GARIN1A: variants seen among roughly 807,000 people sequenced by gnomAD.
The protein encoded by GARIN1A is golgi associated RAB2 interactor 1A, also known as Golgi-associated RAB2 interactor protein 1A.
At chr7:128,698,639 G>A in the GARIN1A span, among the ~76,000 whole-genome samples, 3 of 152,018 alleles carry the variant, frequency 2.0e-5, no homozygotes, top group Admixed American at 6.5e-5. Flanking sequence ...TCACTCTGCC[G>A]CCTAGACTGG....
the GARIN1A span, chr7:128,678,091 G>A: frequency 4.8e-6 from 1 of 209,808 alleles, no homozygotes; most frequent in Non-Finnish European, 9.4e-6. Context: ...CGCGATCTCG[G>A]CTCACTGCAG....
At chr7:128,672,236 C>T in the GARIN1A span, 1 of 554,622 alleles carries the variant, frequency 1.8e-6, no homozygotes, top group Non-Finnish European at 3.2e-6. Flanking sequence ...TCATTCCTGC[C>T]ATTGTGAGCT....
At chr7:128,701,792 A>G in the GARIN1A span, among the ~76,000 whole-genome samples, 2 of 152,190 alleles carry the variant, frequency 1.3e-5, no homozygotes, top group East Asian at 1.9e-4. Context: ...AGAACAGGGG[A>G]GCTGAACATA....
the GARIN1A span, among the ~76,000 whole-genome samples, chr7:128,682,766 G>A: frequency 1.3e-5 from 2 of 151,950 alleles, no homozygotes; most frequent in Non-Finnish European, 2.9e-5. Flanking sequence ...TAGTACAGAC[G>A]GGGTTTCACC....
At chr7:128,677,010 C>CA in the GARIN1A span, among the ~76,000 whole-genome samples, 73 of 151,632 alleles carry the variant, frequency 4.8e-4, 1 homozygote, top group African/African-American at 1.7e-3. Flanking sequence ...CTGTTACTAC[C>CA]AAAAAATACC....
the GARIN1A span, chr7:128,684,614 C>CAAAAAAAAA: frequency 1.1e-5 from 1 of 92,376 alleles, no homozygotes; most frequent in African/African-American, 4.3e-5. Flanking sequence ...GACTCCATCT[C>CAAAAAAAAA]AAAAAAAAAA....
At chr7:128,677,923 G>A in the GARIN1A span, 1 of 908,198 alleles carries the variant, frequency 1.1e-6, no homozygotes, top group Non-Finnish European at 1.6e-6. Context: ...AAAGCTCTTT[G>A]TAAATATCAT....
At chr7:128,676,522 A>C in the GARIN1A span, among the ~76,000 whole-genome samples, 3 of 151,984 alleles carry the variant, frequency 2.0e-5, no homozygotes, top group Admixed American at 6.6e-5. Flanking sequence ...TATCATTTCG[A>C]TAATTTCTTT....
chr7:128,689,407 C>T, the GARIN1A span, among the ~76,000 whole-genome samples: 1 of 151,868 alleles, frequency 6.6e-6, no homozygotes, highest in African/African-American at 2.4e-5. Context: ...GCGCCTCTGC[C>T]CCGTCTGGGA....
the GARIN1A span, among the ~76,000 whole-genome samples, chr7:128,688,449 A>G: frequency 6.6e-6 from 1 of 152,228 alleles, no homozygotes; most frequent in Non-Finnish European, 1.5e-5. Context: ...AAAGAAATAC[A>G]GGTGGAAGTT....
chr7:128,706,891 A>G, the GARIN1A span, among the ~76,000 whole-genome samples: 1 of 152,280 alleles, frequency 6.6e-6, no homozygotes, highest in African/African-American at 2.4e-5. Context: ...GCAAAGGGCT[A>G]CAATGGGGTT....
chr7:128,683,173 C>T, the GARIN1A span: 3 of 1,589,512 alleles, frequency 1.9e-6, no homozygotes, highest in East Asian at 6.7e-5. Flanking sequence ...CTAGGCAAAA[C>T]ATGCTCTTCC....
chr7:128,697,327 C>G, the GARIN1A span: 3 of 152,486 alleles, frequency 2.0e-5, no homozygotes, highest in South Asian at 6.2e-4. Flanking sequence ...CCAGTGGTCC[C>G]GTGAATCACA....
the GARIN1A span, chr7:128,677,842 G>A: frequency 1.3e-6 from 2 of 1,589,104 alleles, no homozygotes; most frequent in African/African-American, 2.7e-5. Flanking sequence ...GGGACCTGTC[G>A]AGAAATAAGT....
the GARIN1A span, among the ~76,000 whole-genome samples, chr7:128,705,790 A>T: frequency 6.7e-6 from 1 of 149,262 alleles, no homozygotes; most frequent in Admixed American, 6.8e-5. Context: ...TCAGCCTCCC[A>T]AATAGCTGGG....
chr7:128,707,220 A>ATGTGTGTGTGTGTGTGTGTGTG, the GARIN1A span, among the ~76,000 whole-genome samples: 49 of 147,186 alleles, frequency 3.3e-4, no homozygotes, highest in African/African-American at 1.2e-3. Context: ...GTGTGTATGT[A>ATGTGTGTGTGTGTGTGTGTGTG]TGTGTGTGTG....
chr7:128,675,949 T>C, the GARIN1A span: 252,751 of 881,878 alleles, frequency 0.29, 37,827 homozygotes, highest in East Asian at 0.49. Context: ...AAAGAAAAGA[T>C]AGCGTTCTTT....
At chr7:128,689,935 A>G in the GARIN1A span, among the ~76,000 whole-genome samples, 5 of 152,076 alleles carry the variant, frequency 3.3e-5, no homozygotes, top group Non-Finnish European at 7.3e-5. Flanking sequence ...AGAACGGGCC[A>G]TGATGACGAT....
At chr7:128,680,830 G>T in the GARIN1A span, among the ~76,000 whole-genome samples, 2 of 152,176 alleles carry the variant, frequency 1.3e-5, no homozygotes, top group South Asian at 4.1e-4. Context: ...GCCTCCCAAA[G>T]TGCTGGGATT....
Sources: allele counts gnomAD v4.1 joint callset (sites outside exome capture counted in the v4.1 genomes callset), GRCh38; gene constraint gnomAD v4.1.1; transcripts MANE v1.5; gene names NCBI Gene and HGNC (gene_info 2026-07-23, HGNC 2026-07-21).